The following EIF4H variants were observed in gnomAD, a reference collection of about 807,000 sequenced individuals.
EIF4H encodes Williams-Beuren syndrome chromosome region 1.
A neutral mutation model predicts 30.6 loss-of-function variants in EIF4H; 8 were observed. The observed-to-expected ratio is 0.26, with a 90% CI of 0.15 to 0.47. The LOEUF is 0.47. EIF4H is among the 20% of genes least tolerant of loss of function. EIF4H has a pLI of 0.99. For missense variants in EIF4H, 188 were observed against 339.5 expected (o/e 0.55, Z 3.51); for synonymous variants, 106 against 122.7 (o/e 0.86, Z 0.90).
At chr7:74,184,986 G>A (rs1398100815) in intron 1 of EIF4H, among the ~76,000 whole-genome samples, 1 of 150,342 alleles carries the variant, frequency 6.7e-6, no homozygotes, top group Non-Finnish European at 1.5e-5. Flanking sequence ...CCGCCTTTTT[G>A]TTGTTGTTGT....
At chr7:74,191,800 G>C (rs1584186461) in intron 5 of EIF4H, among the ~76,000 whole-genome samples, 1 of 151,788 alleles carries the variant, frequency 6.6e-6, no homozygotes, top group African/African-American at 2.4e-5. Context: ...TTTTTTTTGA[G>C]ACGGAGTCTT....
chr7:74,177,502 A>G (rs1800867969), intron 1 of EIF4H, among the ~76,000 whole-genome samples: 1 of 152,034 alleles, frequency 6.6e-6, no homozygotes. Flanking sequence ...GTAATTCCCT[A>G]TTGCCCTCCT....
intron 5 of EIF4H, among the ~76,000 whole-genome samples, chr7:74,192,753 C>T (rs181664412): frequency 1.4e-5 from 2 of 146,082 alleles, no homozygotes; most frequent in Non-Finnish European, 3.0e-5. Context: ...TTTCGGTTCA[C>T]TGCAATCTCC....
intron 1 of EIF4H, among the ~76,000 whole-genome samples, chr7:74,176,079 T>C (rs1313230562): frequency 6.6e-6 from 1 of 152,236 alleles, no homozygotes; most frequent in African/African-American, 2.4e-5. Flanking sequence ...AACTTCCTAA[T>C]AGAAAGTCTC....
Position 74,195,866 on chromosome 7 carries a change from T to C in EIF4H, c.*558T>C, listed in dbSNP as rs1428121081. On this transcript the variant is annotated 3_prime_UTR_variant, in exon 7 of 7. Coordinates refer to ENST00000265753, the MANE Select transcript of EIF4H (RefSeq NM_022170.2). ...ATATAGAGAATCAGAGGCACCTTGTTTTCACAACTAGGATAAAAATATCTG... is the reference window on the plus strand; with the variant it reads ...ATATAGAGAATCAGAGGCACCTTGTCTTCACAACTAGGATAAAAATATCTG... 6.5e-6 allele frequency: 1 copy of C among 154,452 alleles called. No homozygotes were observed. Among genetic ancestry groups the C allele is most frequent in the Non-Finnish European group, 1.5e-5 (1 of 68,070 alleles). 9.6% of individuals were successfully genotyped at this position (154,452 alleles called of 1,614,324 possible).
intron 1 of EIF4H, among the ~76,000 whole-genome samples, chr7:74,181,658 G>A (rs1554708419): frequency 6.6e-6 from 1 of 152,052 alleles, no homozygotes; most frequent in East Asian, 1.9e-4. Flanking sequence ...TGGTCAGGCT[G>A]GTCTCGAACT....
At chr7:74,183,068 A>G (rs782271958) in intron 1 of EIF4H, among the ~76,000 whole-genome samples, 1 of 152,196 alleles carries the variant, frequency 6.6e-6, no homozygotes, top group Non-Finnish European at 1.5e-5. Flanking sequence ...TGCCTTCTCT[A>G]CATTCTCTCC....
intron 1 of EIF4H, among the ~76,000 whole-genome samples, chr7:74,179,526 G>A (rs1554708121): frequency 6.6e-6 from 1 of 152,012 alleles, no homozygotes; most frequent in East Asian, 1.9e-4. Flanking sequence ...CAGCTACTTG[G>A]GAGGCTGAAG....
intron 1 of EIF4H, among the ~76,000 whole-genome samples, chr7:74,186,272 G>C (rs1382887939): frequency 3.3e-5 from 5 of 149,618 alleles, no homozygotes; most frequent in African/African-American, 1.2e-4. Flanking sequence ...CGCCCAGGCT[G>C]GAGTGCAATG....
At chr7:74,190,097 T>A in intron 4 of EIF4H, 150 bp from the exon 5 acceptor site, 1 of 932,704 alleles carries the variant, frequency 1.1e-6, no homozygotes. Flanking sequence ...AGCCTGGCGT[T>A]TTTTGTTTTC....
intron 1 of EIF4H, among the ~76,000 whole-genome samples, chr7:74,185,579 T>TA (rs1801063302): frequency 1.3e-5 from 2 of 152,026 alleles, no homozygotes; most frequent in South Asian, 4.1e-4. Context: ...TTTTTTTTTT[T>TA]AACCATCAAA....
rs1554708149 is a variant in EIF4H at position 74,179,648 on chromosome 7, A to AAAG, written c.59+5206_59+5207insAAG. 8.2e-3 allele frequency among the ~76,000 whole-genome samples: 1,232 copies of AAAG among 150,490 alleles called. 8 individuals are homozygous for AAAG. Among genetic ancestry groups the AAAG allele is most frequent in the Non-Finnish European group, 0.013 (881 of 67,496 alleles). ...CTCTGTATCAAAAAAAAAAAAAAAA[A>AAAG]GTCACTTTATCTTGTACTCCGACTG... On this transcript the variant is annotated intron_variant, in intron 1 of 6. Coordinates refer to ENST00000265753, the MANE Select transcript of EIF4H (RefSeq NM_022170.2).
rs1289985861 is a variant in EIF4H at position 74,196,016 on chromosome 7, G to T, written c.*708G>T. The T allele has an allele frequency of 6.6e-6, 1 of 152,244 alleles. No individual in the cohort carries two copies. The highest frequency in any genetic ancestry group is 1.5e-5 in the Non-Finnish European group (1 of 68,082). The allele number at this position is 152,244 out of a possible 1,614,324, so 9.4% of individuals were successfully genotyped here. A position where few individuals can be genotyped will look rare whatever the true frequency, so the allele number is the denominator to read the frequency against. On this transcript the variant is annotated 3_prime_UTR_variant, in exon 7 of 7. Transcript: ENST00000265753. Reference sequence around the variant, plus strand: ...CTGAAAGGGGGGGCTATGGAAGAGCGGTAGGGAGTCCACGGAGAAGATGCA... The same window carrying T: ...CTGAAAGGGGGGGCTATGGAAGAGCTGTAGGGAGTCCACGGAGAAGATGCA...
At chr7:74,177,476 C>T (rs1456735773) in intron 1 of EIF4H, among the ~76,000 whole-genome samples, 3 of 152,174 alleles carry the variant, frequency 2.0e-5, no homozygotes, top group Non-Finnish European at 4.4e-5. Flanking sequence ...AACTAAAACC[C>T]TGTCCCCTTT....
intron 1 of EIF4H, among the ~76,000 whole-genome samples, chr7:74,176,962 G>A (rs1232263037): frequency 6.6e-6 from 1 of 152,164 alleles, no homozygotes; most frequent in African/African-American, 2.4e-5. Flanking sequence ...ATTTCTAATT[G>A]CAACAAAGCT....
At chr7:74,190,994 C>T (rs1252121018) in intron 5 of EIF4H, among the ~76,000 whole-genome samples, 4 of 152,062 alleles carry the variant, frequency 2.6e-5, no homozygotes, top group South Asian at 4.1e-4. Context: ...TTTTCTTTCC[C>T]GCAAACTTGG....
intron 5 of EIF4H, 21 bp from the exon 6 acceptor site, chr7:74,194,720 A>G (rs782209615): frequency 1.0e-5 from 16 of 1,550,224 alleles, no homozygotes; most frequent in Non-Finnish European, 1.3e-5. Flanking sequence ...AAAGTAATTC[A>G]GTGTCCTGTT....
At chr7:74,177,211 A>G (rs151328754) in intron 1 of EIF4H, among the ~76,000 whole-genome samples, 3,843 of 152,234 alleles carry the variant, frequency 0.025, 175 homozygotes, top group African/African-American at 0.087. Context: ...AGCCTCCCAA[A>G]GTGTTGGGAT....
rs376741021 is a variant in EIF4H, at chr7:74,175,112, A to G, written c.59+670A>G. On this transcript the variant is annotated intron_variant, in intron 1 of 6. Coordinates refer to ENST00000265753, the MANE Select transcript of EIF4H (RefSeq NM_022170.2). ...GCTACGTGCTCTTTGGCACAATTTC[A>G]TTTCTCCTTGGTTTCTCGCTCTGAT... Among the ~76,000 whole-genome samples, 391 of 152,140 alleles carry G rather than the reference A, an allele frequency of 2.6e-3. 22 individuals are homozygous for G. In the South Asian group the frequency reaches 0.078, roughly 30 times the overall value.
Sources: gnomAD v4.1 joint callset for allele counts (sites outside exome capture counted in the v4.1 genomes callset) on GRCh38, gnomAD v4.1.1 for gene constraint, MANE v1.5 for transcripts, NCBI Gene and HGNC (gene_info 2026-07-23, HGNC 2026-07-21) for gene names.